UBA5: variants seen among roughly 807,000 people sequenced by gnomAD.
The protein encoded by UBA5 is ubiquitin like modifier activating enzyme 5, also known as ubiquitin-like modifier-activating enzyme 5.
UBA5 carries 28 observed loss-of-function variants against 52.9 expected under a neutral mutation model. The observed-to-expected ratio is 0.53, with a 90% CI of 0.39 to 0.73. The LOEUF is 0.73. Ranked by LOEUF, UBA5 falls within the 30% of genes least tolerant of loss-of-function variation. The pLI is 0.00. For synonymous variants in UBA5, 135 were observed against 162.1 expected (o/e 0.83, Z 1.27); for missense variants, 388 against 492.7 (o/e 0.79, Z 2.01).
At chr3:132,659,086 T>C (rs571921284), upstream of UBA5, among the ~76,000 whole-genome samples, 5 of 152,262 alleles carry the variant, frequency 3.3e-5, no homozygotes, top group Non-Finnish European at 4.4e-5. Flanking sequence ...ACTCTCAGGA[T>C]CCTCTCACTC....
upstream of UBA5, among the ~76,000 whole-genome samples, chr3:132,656,737 C>T (rs189351226): frequency 4.6e-5 from 7 of 152,272 alleles, no homozygotes; most frequent in East Asian, 9.7e-4. Context: ...GGTGATCCAC[C>T]TGCTTCAGCC....
At chr3:132,657,574 T>C (rs781419204), upstream of UBA5, among the ~76,000 whole-genome samples, 2 of 152,244 alleles carry the variant, frequency 1.3e-5, no homozygotes, top group Non-Finnish European at 2.9e-5. Flanking sequence ...TCTCTCAATT[T>C]TTAAAATTCT....
chr3:132,662,484 A>C (rs1296034672), intron 1 of UBA5, among the ~76,000 whole-genome samples: 1 of 152,224 alleles, frequency 6.6e-6, no homozygotes, highest in Non-Finnish European at 1.5e-5. Flanking sequence ...ACAGGTGATA[A>C]GAATTATGAT....
chr3:132,655,235 T>C (rs1442300837), intron 1 of UBA5, among the ~76,000 whole-genome samples: 1 of 152,236 alleles, frequency 6.6e-6, no homozygotes, highest in African/African-American at 2.4e-5. Context: ...AACACTGTAA[T>C]ACATTGGTGT....
At chr3:132,661,013 T>C in intron 1 of UBA5, 11 of 1,420,194 alleles carry the variant, frequency 7.7e-6, no homozygotes, top group Non-Finnish European at 9.3e-6. Flanking sequence ...TAGTAAGAAC[T>C]TTCAGAAGAT....
At position 132,676,442 on chromosome 3, in the gene UBA5, G is replaced by A. The variant is rs748866967; in HGVS notation, c.1132-1G>A. 6.2e-7 allele frequency: 1 copy of A among 1,604,410 alleles called. No individual in the cohort carries two copies. Among genetic ancestry groups the A allele is most frequent in the Non-Finnish European group, 8.5e-7 (1 of 1,176,862 alleles). On this transcript the variant is annotated splice_acceptor_variant, in intron 11 of 11. Coordinates refer to ENST00000356232, the MANE Select transcript of UBA5 (RefSeq NM_024818.6). LOFTEE classifies it high-confidence loss of function. This position sits in a 1 kb window ranked among gnomAD's most constrained non-coding sequence, Gnocchi z 4.1. ...ACTGTATTTCCCTTATTTGTCAATA[G>A]CAAGAAGATTCTGTCACTGAGTTAA...
intron 1 of UBA5, among the ~76,000 whole-genome samples, chr3:132,663,568 A>C (rs184920336): frequency 1.9e-3 from 296 of 152,266 alleles, no homozygotes; most frequent in African/African-American, 6.9e-3. Context: ...TTGAAAGATT[A>C]TTCTCTAGGG....
chr3:132,668,794 A>G, intron 3 of UBA5, 24 bp from the exon 4 acceptor site: 1 of 1,466,360 alleles, frequency 6.8e-7, no homozygotes, highest in Non-Finnish European at 9.4e-7. Context: ...GTTTTTCATC[A>G]GAATACCACT....
intron 5 of UBA5, 53 bp from the exon 6 acceptor site, chr3:132,670,912 A>G: frequency 7.9e-7 from 1 of 1,272,476 alleles, no homozygotes. Context: ...AGTATAATGT[A>G]TTAGAGTGTA....
chr3:132,670,856 A>G, intron 5 of UBA5, 109 bp from the exon 6 acceptor site: 1 of 624,098 alleles, frequency 1.6e-6, no homozygotes, highest in Non-Finnish European at 2.7e-6. Flanking sequence ...TGTAATAATT[A>G]TAGTCAAACA....
intron 1 of UBA5, chr3:132,654,699 C>T (rs1937684763): frequency 6.6e-6 from 1 of 152,232 alleles, no homozygotes; most frequent in South Asian, 2.1e-4. Context: ...GAAAACCAAA[C>T]CTGGTTTTCT....
At chr3:132,660,009 G>A (rs1938054357), upstream of UBA5, 1 of 435,320 alleles carries the variant, frequency 2.3e-6, no homozygotes. This position sits in a 1 kb window ranked among gnomAD's most constrained non-coding sequence, Gnocchi z 4.1. Context: ...AGAGTTGGAG[G>A]CCTCAATTTT....
rs373496864 is a variant in UBA5 at position 132,676,454 on chromosome 3, T to C, written c.1143T>C (p.Ser381=). ...TTATTTGTCAATAGCAAGAAGATTC[T>C]GTCACTGAGTTAACAGTGGAAGATT... ...AYTIPKKQED[S]VTELTVEDSG... The change falls in exon 12 of 12, where the codon TCT becomes TCC. Residue 381 remains serine (S), a synonymous_variant. Transcript: ENST00000356232. The surrounding 1 kb of genome is among the most constrained non-coding windows in gnomAD (Gnocchi z 4.1). 1.2e-6 allele frequency: 2 copies of C among 1,606,792 alleles called. No individual in the cohort carries two copies. The highest frequency in any genetic ancestry group is 1.7e-6 in the Non-Finnish European group (2 of 1,177,862).
intron 9 of UBA5, 25 bp downstream of exon 9, chr3:132,675,408 A>T: frequency 6.2e-7 from 1 of 1,611,014 alleles, no homozygotes; most frequent in Non-Finnish European, 8.5e-7. Flanking sequence ...GTTAGAATGC[A>T]TGAGGGATCA....
chr3:132,675,185 TAG>T lies in UBA5; in HGVS notation c.813-62_813-61del, dbSNP rs765309520. On this transcript the variant is annotated intron_variant, in intron 8 of 11. Coordinates refer to ENST00000356232, the MANE Select transcript of UBA5 (RefSeq NM_024818.6). Reference sequence around the variant, plus strand: ...ATTTCAACGTTATTTTTAAAAAATTTAGGTGTTCTAGTATTTTTCATGTTTTA... The same window carrying T: ...ATTTCAACGTTATTTTTAAAAAATTTGTGTTCTAGTATTTTTCATGTTTTA... 114 of 1,209,490 alleles carry T rather than the reference TAG, an allele frequency of 9.4e-5. No homozygotes were observed. The East Asian group carries it at 2.6e-3, about 27-fold the overall frequency. The allele number at this position is 1,209,490 out of a possible 1,614,324, so 74.9% of individuals were successfully genotyped here.
At chr3:132,666,897 C>T (rs1938399831) in intron 3 of UBA5, among the ~76,000 whole-genome samples, 1 of 152,102 alleles carries the variant, frequency 6.6e-6, no homozygotes, top group African/African-American at 2.4e-5. Context: ...GACTGCTTGA[C>T]CAGGGATAAT....
In UBA5 at chr3:132,678,963, A is replaced by G. The variant is rs191331635; in HGVS notation, c.*2437A>G. On this transcript the variant is annotated 3_prime_UTR_variant, in exon 12 of 12. Coordinates refer to ENST00000356232, the MANE Select transcript of UBA5 (RefSeq NM_024818.6). Reference sequence around the variant, plus strand: ...CCACGCCCAGCCAAGAATATTTACTAAAGGAAGCTTTGACCCCTGCATCAC... The same window carrying G: ...CCACGCCCAGCCAAGAATATTTACTGAAGGAAGCTTTGACCCCTGCATCAC... Among the ~76,000 whole-genome samples the G allele has an allele frequency of 1.4e-3, 216 of 152,090 alleles. No homozygotes were observed. Among genetic ancestry groups the G allele is most frequent in the Middle Eastern group, 3.4e-3 (1 of 294 alleles).
chr3:132,675,258 A>G lies in UBA5; in HGVS notation c.823A>G (p.Asn275Asp). 1 of 1,600,218 alleles carries G rather than the reference A, an allele frequency of 6.2e-7. No homozygotes were observed. Among genetic ancestry groups the G allele is most frequent in the Non-Finnish European group, 8.5e-7 (1 of 1,171,430 alleles). ...TTTTGATTTTTCTAGGTTTCTGTTAAATTTTGGTACTGTTAGTTTTTACCT... is the reference window on the plus strand; with the variant it reads ...TTTTGATTTTTCTAGGTTTCTGTTAGATTTTGGTACTGTTAGTTTTTACCT... ...LVQNVLKFLL[N>D]FGTVSFYLGY... Residue 275 changes from asparagine to aspartate, a missense_variant, in exon 9 of 12, where the codon AAT (asparagine) becomes GAT (aspartate). Around this residue, in one of 3 missense-constraint regions of UBA5, gnomAD observed 277 missense variants for 326.4 expected, o/e 0.85. Transcript: ENST00000356232.
chr3:132,660,242 G>C, upstream of UBA5: 1 of 542,096 alleles, frequency 1.8e-6, no homozygotes, highest in South Asian at 2.1e-5. This position sits in a 1 kb window ranked among gnomAD's most constrained non-coding sequence, Gnocchi z 4.1. Flanking sequence ...TATCACCCCG[G>C]TGCTGCTGCG....
Sources: allele counts gnomAD v4.1 joint callset (sites outside exome capture counted in the v4.1 genomes callset), GRCh38; gene constraint gnomAD v4.1.1; regional missense constraint gnomAD v4.1.1; non-coding constraint Gnocchi (gnomAD v3.1); transcripts MANE v1.5; gene names NCBI Gene and HGNC (gene_info 2026-07-23, HGNC 2026-07-21).